The following STXBP4 variants were observed in gnomAD, a reference collection of about 807,000 sequenced individuals.
STXBP4 encodes the protein syntaxin-binding protein 4.
In STXBP4, 55 loss-of-function variants were observed where a neutral mutation model predicts 76.1. That is an observed-to-expected ratio of 0.72 (90% CI 0.58 to 0.91). The LOEUF is 0.91. STXBP4 is among the 40% of genes least tolerant of loss of function. The pLI, the probability that STXBP4 is intolerant of heterozygous loss-of-function variation, is 0.00. For synonymous variants in STXBP4, 201 were observed against 220.2 expected, an observed-to-expected ratio of 0.91 and a Z score of 0.77; for missense variants, 618 against 636.9, an observed-to-expected ratio of 0.97 and a Z score of 0.32.
At chr17:55,082,061 A>C (rs977160749) in intron 16 of STXBP4, among the ~76,000 whole-genome samples, 2 of 152,030 alleles carry the variant, frequency 1.3e-5, no homozygotes, top group African/African-American at 4.8e-5. Flanking sequence ...TATAATTTAT[A>C]AAAATCAACA....
chr17:55,002,086 AT>A lies in STXBP4; in HGVS notation c.574+1205del, dbSNP rs1260714105. On this transcript the variant is annotated intron_variant, in intron 7 of 17. Coordinates refer to ENST00000376352, the MANE Select transcript of STXBP4 (RefSeq NM_178509.6). ...ATTTATTGACCAACTTTATAGCATTATTCCTCTTACATAATTAATTTCCAGT... is the reference window on the plus strand; with the variant it reads ...ATTTATTGACCAACTTTATAGCATTATCCTCTTACATAATTAATTTCCAGT... 2.6e-5 allele frequency among the ~76,000 whole-genome samples: 4 copies of A among 152,342 alleles called. No homozygotes were observed. The East Asian group carries it at 7.7e-4, about 29-fold the overall frequency.
At chr17:55,159,308 T>TA (rs1366899942) in intron 17 of STXBP4, among the ~76,000 whole-genome samples, 2 of 152,262 alleles carry the variant, frequency 1.3e-5, no homozygotes, top group East Asian at 1.9e-4. Flanking sequence ...TTGAGGCAGC[T>TA]AAAAAAACAA....
At chr17:54,990,605 T>C (rs1567706511) in intron 3 of STXBP4, among the ~76,000 whole-genome samples, 2 of 152,156 alleles carry the variant, frequency 1.3e-5, no homozygotes, top group South Asian at 2.1e-4. Context: ...ACAAGAAATG[T>C]AGTGCATTTG....
intron 17 of STXBP4, among the ~76,000 whole-genome samples, chr17:55,157,400 C>T (rs188269311): frequency 1.3e-5 from 2 of 152,248 alleles, no homozygotes; most frequent in African/African-American, 4.8e-5. Context: ...AGGCAGCTCT[C>T]CAGCTTTATA....
chr17:55,019,363 A>G (rs1055025819), intron 8 of STXBP4, among the ~76,000 whole-genome samples: 1 of 152,168 alleles, frequency 6.6e-6, no homozygotes, highest in African/African-American at 2.4e-5. Context: ...AGATTTTAAC[A>G]TGCACATTTA....
chr17:55,142,019 A>G lies in STXBP4; in HGVS notation c.1547+652A>G, dbSNP rs188809724. Among the ~76,000 whole-genome samples, 5 of 152,302 alleles carry G rather than the reference A, an allele frequency of 3.3e-5. No individual in the cohort carries two copies. In the East Asian group the frequency reaches 9.6e-4, roughly 29 times the overall value. ...GTCATTTTTTCTGTTTTATAGATGA[A>G]GAAAATAAGAGTCTTGAGTAGTTAC... On this transcript the variant is annotated intron_variant, in intron 17 of 17. Coordinates refer to ENST00000376352, the MANE Select transcript of STXBP4 (RefSeq NM_178509.6).
chr17:55,136,052 T>C (rs1432863238), intron 16 of STXBP4, among the ~76,000 whole-genome samples: 1 of 152,176 alleles, frequency 6.6e-6, no homozygotes, highest in Non-Finnish European at 1.5e-5. Flanking sequence ...CTCAGTTTCG[T>C]CTCTGCAAAA....
intron 9 of STXBP4, 95 bp from the exon 10 acceptor site, chr17:55,034,073 G>T (rs1397010084): frequency 1.3e-6 from 1 of 781,956 alleles, no homozygotes; most frequent in Non-Finnish European, 2.1e-6. Flanking sequence ...AATTTATGTG[G>T]GTTAAATTTG....
rs1448269519 is a variant in STXBP4 at position 55,173,363 on chromosome 17, T to G, written c.*13452T>G. On this transcript the variant is annotated 3_prime_UTR_variant, in exon 18 of 18. Transcript: ENST00000376352. Reference sequence around the variant, plus strand: ...CACCCCAACTCCTGGCAATTACTGCTCTATTCTCCGTAACTGTAGTTTTGC... The same window carrying G: ...CACCCCAACTCCTGGCAATTACTGCGCTATTCTCCGTAACTGTAGTTTTGC... 6.6e-6 allele frequency: 1 copy of G among 152,226 alleles called. No homozygotes were observed. Among genetic ancestry groups the G allele is most frequent in the Non-Finnish European group, 1.5e-5 (1 of 68,030 alleles). The allele number at this position is 152,226 out of a possible 1,614,324, so 9.4% of individuals were successfully genotyped here.
intron 8 of STXBP4, among the ~76,000 whole-genome samples, chr17:55,007,923 A>T (rs1403990240): frequency 1.3e-4 from 20 of 152,228 alleles, no homozygotes; most frequent in Admixed American, 9.2e-4. Context: ...GGCAAAGTAG[A>T]CGAGGCTTCA....
chr17:54,987,365 C>T (rs1346871645), intron 3 of STXBP4, among the ~76,000 whole-genome samples: 2 of 152,086 alleles, frequency 1.3e-5, no homozygotes, highest in Non-Finnish European at 2.9e-5. Flanking sequence ...TATGTATGTA[C>T]ACATGATAAT....
At chr17:55,134,515 A>G (rs1660338313) in intron 16 of STXBP4, among the ~76,000 whole-genome samples, 1 of 152,118 alleles carries the variant, frequency 6.6e-6, no homozygotes, top group African/African-American at 2.4e-5. Context: ...ATTATATATA[A>G]CTTCAGAATT....
At chr17:55,032,990 T>G (rs1156494739) in intron 9 of STXBP4, among the ~76,000 whole-genome samples, 1 of 151,320 alleles carries the variant, frequency 6.6e-6, no homozygotes, top group East Asian at 1.9e-4. Flanking sequence ...TTTGGAGAAA[T>G]CCTCCAACAT....
At chr17:55,055,921 A>G (rs921833238) in intron 12 of STXBP4, among the ~76,000 whole-genome samples, 4 of 152,170 alleles carry the variant, frequency 2.6e-5, no homozygotes, top group African/African-American at 9.7e-5. Context: ...GAAGACAGCT[A>G]TCTTGGATTT....
chr17:55,049,989 A>AT (rs1273176583), intron 12 of STXBP4, among the ~76,000 whole-genome samples: 2 of 152,092 alleles, frequency 1.3e-5, no homozygotes, highest in Non-Finnish European at 2.9e-5. Context: ...AATTTTCCAA[A>AT]TTCTTTTCAT....
At chr17:55,185,314 T>TCCTCCTCCTC in the STXBP4 span, among the ~76,000 whole-genome samples, 2 of 69,516 alleles carry the variant, frequency 2.9e-5, no homozygotes, top group South Asian at 6.1e-4. Flanking sequence ...TCCTTCTCCT[T>TCCTCCTCCTC]CTCCTTCTCC....
chr17:55,154,315 G>A (rs963671532), intron 17 of STXBP4, among the ~76,000 whole-genome samples: 3 of 152,212 alleles, frequency 2.0e-5, no homozygotes, highest in Non-Finnish European at 4.4e-5. Flanking sequence ...ATAAAGATAT[G>A]AGGAGAGCTG....
chr17:55,179,833 AG>A, the STXBP4 span, among the ~76,000 whole-genome samples: 5 of 152,190 alleles, frequency 3.3e-5, no homozygotes, highest in Non-Finnish European at 7.3e-5. Flanking sequence ...TTATGTTATC[AG>A]TGTGTTATTA....
chr17:55,154,806 T>C (rs879450145), intron 17 of STXBP4, among the ~76,000 whole-genome samples: 3 of 152,146 alleles, frequency 2.0e-5, no homozygotes, highest in Non-Finnish European at 4.4e-5. Context: ...ACATAAGTAA[T>C]ATATTACAAT....
Sources: allele counts gnomAD v4.1 joint callset (sites outside exome capture counted in the v4.1 genomes callset), GRCh38; gene constraint gnomAD v4.1.1; transcripts MANE v1.5; gene names NCBI Gene and HGNC (gene_info 2026-07-23, HGNC 2026-07-21).